LCN15: variants seen among roughly 807,000 people sequenced by gnomAD.
LCN15 encodes the protein lipocalin 15.
Under a neutral mutation model 23.1 loss-of-function variants are expected in LCN15, and 26 were observed. That is an observed-to-expected ratio of 1.13 (90% CI 0.82 to 1.56). The LOEUF is 1.56. LCN15 is among the 40% of genes most tolerant of loss of function. LCN15 has a pLI of 0.00. For missense variants in LCN15, 241 were observed against 239.5 expected (o/e 1.01, Z -0.04); for synonymous variants, 107 against 98.3 (o/e 1.09, Z -0.52).
rs1430687061 is a variant in LCN15 at position 136,762,278 on chromosome 9, C to A, written c.430G>T (p.Asp144Tyr). ...GACTTCAGAGCCTGGGGACTCACATCCTGGGTCCGGCCTGGGCAGAGCAGA... is the reference window on the plus strand; with the variant it reads ...GACTTCAGAGCCTGGGGACTCACATACTGGGTCCGGCCTGGGCAGAGCAGA... ...TMVQLYSRTQ[D>Y]VSPQALKSFQ... The change falls in exon 5 of 7, where the codon GAT becomes TAT. Residue 144 changes from aspartate (D) to tyrosine (Y), a missense_variant. Physicochemically the swap from Asp to Tyr is radical, Grantham distance 160. Transcript: ENST00000316144. The A allele has an allele frequency of 1.9e-6, 3 of 1,586,872 alleles. No homozygotes were observed. The East Asian group carries it at 6.9e-5, about 37-fold the overall frequency.
At position 136,762,332 on chromosome 9, in the gene LCN15, A is replaced by G. The variant is rs779356540; in HGVS notation, c.419-43T>C. Reference sequence around the variant, plus strand: ...CACTGTGAACTCAGCAGCTCACAGGAGTGCAGCACGGGGTCTCCTGGCCTC... The same window carrying G: ...CACTGTGAACTCAGCAGCTCACAGGGGTGCAGCACGGGGTCTCCTGGCCTC... On this transcript the variant is annotated intron_variant, in intron 4 of 6. Transcript: ENST00000316144. 6.0e-6 allele frequency: 7 copies of G among 1,166,352 alleles called. No individual in the cohort carries two copies. The East Asian group carries it at 1.3e-4, about 22-fold the overall frequency. 72.3% of individuals were successfully genotyped at this position (1,166,352 alleles called of 1,614,324 possible). A position where few individuals can be genotyped will look rare whatever the true frequency, so the allele number is the denominator to read the frequency against.
At position 136,763,371 on chromosome 9, in the gene LCN15, ATGGTGC is replaced by A; in HGVS notation, c.398_403del (p.Ser133_Thr134del). 1 of 1,587,856 alleles carries A rather than the reference ATGGTGC, an allele frequency of 6.3e-7. No homozygotes were observed. Among genetic ancestry groups the A allele is most frequent in the Non-Finnish European group, 8.6e-7 (1 of 1,166,804 alleles). ...CAGGCACTCACTGTAGAGCTGCACC[ATGGTGC>A]TGAGGGCCCCCTCCAGCTCCTTGTA... On this transcript the variant is annotated inframe_deletion, in exon 4 of 7. Coordinates refer to ENST00000316144, the MANE Select transcript of LCN15 (RefSeq NM_203347.2).
chr9:136,763,684 C>A (rs1387810402), intron 3 of LCN15, 29 bp downstream of exon 3: 9 of 1,610,040 alleles, frequency 5.6e-6, no homozygotes, highest in Admixed American at 1.7e-5. Context: ...GCATCCAGCA[C>A]CCCTGAAGGC....
chr9:136,761,858 G>T lies in LCN15; in HGVS notation c.521-5C>A. 2.2e-6 allele frequency: 3 copies of T among 1,336,338 alleles called. No homozygotes were observed. Among genetic ancestry groups the T allele is most frequent in the Non-Finnish European group, 2.9e-6 (3 of 1,042,632 alleles). The allele number at this position is 1,336,338 out of a possible 1,614,324, so 82.8% of individuals were successfully genotyped here. A position where few individuals can be genotyped will look rare whatever the true frequency, so the allele number is the denominator to read the frequency against. On this transcript the variant is annotated splice_region_variant and splice_polypyrimidine_tract_variant and intron_variant, in intron 5 of 6. Coordinates refer to ENST00000316144, the MANE Select transcript of LCN15 (RefSeq NM_203347.2). The surrounding 1 kb of genome is among the most constrained non-coding windows in gnomAD (Gnocchi z 4.2). Reference sequence around the variant, plus strand: ...TGCTCTCAGGGTTGCATGCATCTGTGGGGAGGAAGACATCCGTGAGATGCT... The same window carrying T: ...TGCTCTCAGGGTTGCATGCATCTGTTGGGAGGAAGACATCCGTGAGATGCT...
At position 136,763,788 on chromosome 9, in the gene LCN15, G is replaced by T. The variant is rs769903610; in HGVS notation, c.237-5C>A. 1.9e-6 allele frequency: 3 copies of T among 1,613,438 alleles called. No homozygotes were observed. The highest frequency in any genetic ancestry group is 2.5e-6 in the Non-Finnish European group (3 of 1,179,980). The stretch of plus-strand genomic sequence containing the variant: ...ACCTGGTTACAGCCGTCCGCCCTGG[G>T]GGTGCACAGCCGGCTCACTCATGGC... On this transcript the variant is annotated splice_region_variant and splice_polypyrimidine_tract_variant and intron_variant, in intron 2 of 6. Coordinates refer to ENST00000316144, the MANE Select transcript of LCN15 (RefSeq NM_203347.2).
Position 136,764,438 on chromosome 9 carries a change from C to G in LCN15, c.51G>C (p.Thr17=). The change falls in exon 1 of 7, where the codon ACG becomes ACC. Residue 17 remains threonine (T), a synonymous_variant. Coordinates refer to ENST00000316144, the MANE Select transcript of LCN15 (RefSeq NM_203347.2). ...GAILTLLWAP[T]AQAEVLLQPD... Reference sequence around the variant, plus strand: ...GCTGCAGCAGAACCTCAGCCTGAGCCGTGGGCGCCCAGAGCAGGGTCAGGA... The same window carrying G: ...GCTGCAGCAGAACCTCAGCCTGAGCGGTGGGCGCCCAGAGCAGGGTCAGGA... The G allele has an allele frequency of 1.2e-6, 2 of 1,613,318 alleles. No individual in the cohort carries two copies. Among genetic ancestry groups the G allele is most frequent in the Non-Finnish European group, 1.7e-6 (2 of 1,179,812 alleles).
chr9:136,761,883 T>A lies in LCN15; in HGVS notation c.521-30A>T. The A allele has an allele frequency of 7.5e-7, 1 of 1,332,782 alleles. No homozygotes were observed. Among genetic ancestry groups the A allele is most frequent in the South Asian group, 2.4e-5 (1 of 41,320 alleles). 82.6% of individuals were successfully genotyped at this position (1,332,782 alleles called of 1,614,324 possible). On this transcript the variant is annotated intron_variant, in intron 5 of 6. Transcript: ENST00000316144. The surrounding 1 kb of genome is among the most constrained non-coding windows in gnomAD (Gnocchi z 4.2). ...GGGGAGGAAGACATCCGTGAGATGC[T>A]GACGGCCAGGACCGCCCTCGCTTCC... is the stretch of plus-strand genomic sequence containing the variant.
chr9:136,761,812 G>A lies in LCN15; in HGVS notation c.*7C>T, dbSNP rs373716517. 6.4e-5 allele frequency: 82 copies of A among 1,290,138 alleles called. No homozygotes were observed. The South Asian group carries it at 1.1e-3, about 18-fold the overall frequency. 79.9% of individuals were successfully genotyped at this position (1,290,138 alleles called of 1,614,324 possible). A position where few individuals can be genotyped will look rare whatever the true frequency, so the allele number is the denominator to read the frequency against. On this transcript the variant is annotated 3_prime_UTR_variant, in exon 6 of 7. Coordinates refer to ENST00000316144, the MANE Select transcript of LCN15 (RefSeq NM_203347.2). The surrounding 1 kb of genome is among the most constrained non-coding windows in gnomAD (Gnocchi z 4.2). ...CTGGGAAGGGCGGGGGTGGGGCTCC[G>A]GAGGTGTCAGGGCGCCTCCTTGCTC...
chr9:136,760,413 G>A (rs1387145076), intron 6 of LCN15, among the ~76,000 whole-genome samples: 1 of 152,164 alleles, frequency 6.6e-6, no homozygotes, highest in African/African-American at 2.4e-5. Flanking sequence ...GAGTGGAGGC[G>A]AAGCTCATGG....
rs1325357295 is a variant in LCN15, at chr9:136,761,745, AG to A, written c.*32+41del. On this transcript the variant is annotated intron_variant, in intron 6 of 6. Transcript: ENST00000316144. The surrounding 1 kb of genome is among the most constrained non-coding windows in gnomAD (Gnocchi z 4.2). ...GATGTCAAGCTGCGATAGGGAGGGG[AG>A]AGGCAACCAGGGCATCCCCTGCAGG... 1 of 999,116 alleles carries A rather than the reference AG, an allele frequency of 1.0e-6. No homozygotes were observed. Among genetic ancestry groups the A allele is most frequent in the Non-Finnish European group, 1.3e-6 (1 of 769,552 alleles). 61.9% of individuals were successfully genotyped at this position (999,116 alleles called of 1,614,324 possible). A position where few individuals can be genotyped will look rare whatever the true frequency, so the allele number is the denominator to read the frequency against.
chr9:136,763,687 C>G lies in LCN15; in HGVS notation c.307+26G>C, dbSNP rs1847347997. 5 of 1,611,556 alleles carry G rather than the reference C, an allele frequency of 3.1e-6. No individual in the cohort carries two copies. The South Asian group carries it at 4.4e-5, about 14-fold the overall frequency. ...CCCAGAGAAGCGGCATCCAGCACCC[C>G]TGAAGGCAGAGGAGGCAGGACCTAC... On this transcript the variant is annotated intron_variant, in intron 3 of 6. Coordinates refer to ENST00000316144, the MANE Select transcript of LCN15 (RefSeq NM_203347.2).
At chr9:136,762,820 G>C (rs1192178997) in intron 4 of LCN15, among the ~76,000 whole-genome samples, 1 of 151,828 alleles carries the variant, frequency 6.6e-6, no homozygotes, top group Admixed American at 6.6e-5. Flanking sequence ...CTTATCGGGG[G>C]GCTGAGGCAG....
intron 4 of LCN15, 77 bp downstream of exon 4, chr9:136,763,280 G>C (rs1052688867): frequency 2.5e-6 from 2 of 792,716 alleles, no homozygotes; most frequent in South Asian, 1.9e-5. Context: ...GGGCGGGGCG[G>C]GGGTAGGCAG....
Position 136,761,800 on chromosome 9 carries a change from G to T in LCN15, c.*19C>A. On this transcript the variant is annotated 3_prime_UTR_variant, in exon 6 of 7. Coordinates refer to ENST00000316144, the MANE Select transcript of LCN15 (RefSeq NM_203347.2). This position sits in a 1 kb window ranked among gnomAD's most constrained non-coding sequence, Gnocchi z 4.2. The stretch of plus-strand genomic sequence containing the variant: ...TGGAGAACCCACCTGGGAAGGGCGG[G>T]GGTGGGGCTCCGGAGGTGTCAGGGC... The T allele has an allele frequency of 1.6e-6, 2 of 1,282,524 alleles. No individual in the cohort carries two copies. The highest frequency in any genetic ancestry group is 3.9e-5 in the Admixed American group (1 of 25,858). 79.4% of individuals were successfully genotyped at this position (1,282,524 alleles called of 1,614,324 possible). A position where few individuals can be genotyped will look rare whatever the true frequency, so the allele number is the denominator to read the frequency against.
At chr9:136,763,558 G>A in intron 3 of LCN15, 91 bp from the exon 4 acceptor site, 1 of 1,234,100 alleles carries the variant, frequency 8.1e-7, no homozygotes, top group Non-Finnish European at 1.2e-6. Flanking sequence ...GCTGGGCTGT[G>A]AGCCTGTTCC....
At chr9:136,762,371 GA>G in intron 4 of LCN15, 82 bp from the exon 5 acceptor site, 1 of 807,110 alleles carries the variant, frequency 1.2e-6, no homozygotes, top group Non-Finnish European at 2.1e-6. Context: ...CCACCAGCCT[GA>G]GGGCTGACAG....
chr9:136,761,657 T>A lies in LCN15; in HGVS notation c.*32+130A>T. 2.4e-6 allele frequency: 1 copy of A among 419,612 alleles called. No individual in the cohort carries two copies. Among genetic ancestry groups the A allele is most frequent in the Non-Finnish European group, 4.1e-6 (1 of 242,980 alleles). 26.0% of individuals were successfully genotyped at this position (419,612 alleles called of 1,614,324 possible). On this transcript the variant is annotated intron_variant, in intron 6 of 6. Transcript: ENST00000316144. This position sits in a 1 kb window ranked among gnomAD's most constrained non-coding sequence, Gnocchi z 4.2. The stretch of plus-strand genomic sequence containing the variant: ...TTCCTGGAAGAGGTAATGTCTAAGC[T>A]GAGGCCTGAAGCATGGGGTCGCCAG...
Position 136,761,887 on chromosome 9 carries a change from G to C in LCN15, c.521-34C>G. On this transcript the variant is annotated intron_variant, in intron 5 of 6. Transcript: ENST00000316144. The surrounding 1 kb of genome is among the most constrained non-coding windows in gnomAD (Gnocchi z 4.2). ...AGGAAGACATCCGTGAGATGCTGAC[G>C]GCCAGGACCGCCCTCGCTTCCCGCA... The C allele has an allele frequency of 5.3e-6, 7 of 1,327,828 alleles. No individual in the cohort carries two copies. Among genetic ancestry groups the C allele is most frequent in the South Asian group, 2.4e-5 (1 of 41,112 alleles). 82.3% of individuals were successfully genotyped at this position (1,327,828 alleles called of 1,614,324 possible). A position where few individuals can be genotyped will look rare whatever the true frequency, so the allele number is the denominator to read the frequency against.
chr9:136,763,571 G>A (rs1847346377), intron 3 of LCN15, 104 bp from the exon 4 acceptor site: 3 of 1,125,330 alleles, frequency 2.7e-6, no homozygotes, highest in Non-Finnish European at 3.8e-6. Context: ...CCTGTTCCCC[G>A]AAGACAGAGG....
Sources: gnomAD v4.1 joint callset for allele counts (sites outside exome capture counted in the v4.1 genomes callset) on GRCh38, gnomAD v4.1.1 for gene constraint, Gnocchi (gnomAD v3.1) non-coding constraint, MANE v1.5 for transcripts, NCBI Gene and HGNC (gene_info 2026-07-23, HGNC 2026-07-21) for gene names.